The following ST6GALNAC3 variants were observed in gnomAD, a reference collection of about 807,000 sequenced individuals.
ST6GALNAC3 encodes the protein alpha-N-acetylgalactosaminide alpha-2,6-sialyltransferase 3.
A neutral mutation model predicts 32.7 loss-of-function variants in ST6GALNAC3; 25 were observed. The ratio of observed to expected loss-of-function variants is 0.76; its 90% CI spans 0.56 to 1.07. ST6GALNAC3 has a LOEUF of 1.07. Ranked by LOEUF, ST6GALNAC3 falls within the 50% of genes least tolerant of loss-of-function variation. The pLI, the probability that ST6GALNAC3 is intolerant of heterozygous loss-of-function variation, is 0.00. For missense variants in ST6GALNAC3, 355 were observed against 382.4 expected (o/e 0.93, Z 0.60); for synonymous variants, 129 against 133.1 (o/e 0.97, Z 0.21).
At chr1:76,571,246 G>T (rs991809271) in intron 3 of ST6GALNAC3, among the ~76,000 whole-genome samples, 1 of 151,906 alleles carries the variant, frequency 6.6e-6, no homozygotes, top group Non-Finnish European at 1.5e-5. Flanking sequence ...CCCTTCTTCT[G>T]GTATGGCTTC....
chr1:76,592,026 T>G (rs1476324104), intron 3 of ST6GALNAC3, among the ~76,000 whole-genome samples: 1 of 152,152 alleles, frequency 6.6e-6, no homozygotes, highest in Non-Finnish European at 1.5e-5. Context: ...TAAAGAGAGA[T>G]AAAATTGTGA....
intron 2 of ST6GALNAC3, among the ~76,000 whole-genome samples, chr1:76,346,209 A>G (rs1648498366): frequency 6.6e-6 from 1 of 152,166 alleles, no homozygotes. Context: ...TACGCCTCGA[A>G]GGTGGATACT....
intron 3 of ST6GALNAC3, among the ~76,000 whole-genome samples, chr1:76,448,294 G>T (rs982052445): frequency 6.6e-6 from 1 of 152,150 alleles, no homozygotes; most frequent in Non-Finnish European, 1.5e-5. Flanking sequence ...TTTACCCATT[G>T]CCTGTACCCC....
At chr1:76,455,419 T>C (rs551505494) in intron 3 of ST6GALNAC3, among the ~76,000 whole-genome samples, 1 of 152,214 alleles carries the variant, frequency 6.6e-6, no homozygotes, top group Admixed American at 6.5e-5. Flanking sequence ...TAGCTTGGTC[T>C]TGCTGAGCCA....
At chr1:76,538,824 C>G (rs1330576358) in intron 3 of ST6GALNAC3, among the ~76,000 whole-genome samples, 1 of 152,004 alleles carries the variant, frequency 6.6e-6, no homozygotes, top group Non-Finnish European at 1.5e-5. Flanking sequence ...TGTGAAGGAC[C>G]TCATCAAGGA....
chr1:76,087,575 G>A, intron 1 of ST6GALNAC3, among the ~76,000 whole-genome samples: 1 of 152,144 alleles, frequency 6.6e-6, no homozygotes, highest in East Asian at 1.9e-4. Flanking sequence ...GTGCTTACCT[G>A]TACTGTGTTG....
intron 2 of ST6GALNAC3, among the ~76,000 whole-genome samples, chr1:76,361,398 G>A (rs1183207030): frequency 6.6e-6 from 1 of 152,104 alleles, no homozygotes; most frequent in Non-Finnish European, 1.5e-5. Context: ...GTTGTAGCAT[G>A]TGACTTGATT....
chr1:76,230,993 C>T (rs961351776), intron 1 of ST6GALNAC3, among the ~76,000 whole-genome samples: 7 of 152,194 alleles, frequency 4.6e-5, no homozygotes, highest in Non-Finnish European at 8.8e-5. Flanking sequence ...TGAGGGAAGT[C>T]TATTTTCCCC....
At chr1:76,294,973 G>A (rs978814836) in intron 1 of ST6GALNAC3, among the ~76,000 whole-genome samples, 3 of 152,070 alleles carry the variant, frequency 2.0e-5, no homozygotes, top group Non-Finnish European at 2.9e-5. Context: ...GCAGGGTAGA[G>A]CACTGTAATA....
intron 2 of ST6GALNAC3, among the ~76,000 whole-genome samples, chr1:76,404,548 A>G (rs938060870): frequency 3.9e-5 from 6 of 152,208 alleles, no homozygotes; most frequent in African/African-American, 1.4e-4. Flanking sequence ...CAAAAAGAAC[A>G]TCAAGGAGAA....
chr1:76,305,980 C>G, intron 1 of ST6GALNAC3: 1 of 503,176 alleles, frequency 2.0e-6, no homozygotes, highest in African/African-American at 1.9e-5. Context: ...TGGGAACATT[C>G]TCATATAACT....
intron 2 of ST6GALNAC3, among the ~76,000 whole-genome samples, chr1:76,319,743 G>T (rs1043783268): frequency 1.4e-4 from 21 of 152,136 alleles, no homozygotes; most frequent in Non-Finnish European, 1.3e-4. Context: ...TGAAATTTGA[G>T]TATTAAATGT....
chr1:76,152,613 C>T (rs191728056), intron 1 of ST6GALNAC3, among the ~76,000 whole-genome samples: 67 of 152,342 alleles, frequency 4.4e-4, no homozygotes, highest in Middle Eastern at 3.4e-3. Context: ...GGACAAAACA[C>T]ACTGAGGATG....
intron 3 of ST6GALNAC3, among the ~76,000 whole-genome samples, chr1:76,586,716 A>G (rs374789545): frequency 5.9e-5 from 9 of 152,334 alleles, no homozygotes; most frequent in East Asian, 1.9e-4. Flanking sequence ...TGTGACATTA[A>G]TCAGTGTTTT....
intron 3 of ST6GALNAC3, among the ~76,000 whole-genome samples, chr1:76,572,570 T>A (rs1646720236): frequency 6.6e-6 from 1 of 152,124 alleles, no homozygotes; most frequent in South Asian, 2.1e-4. Flanking sequence ...TTTTGCCAGA[T>A]CACCAGATGC....
intron 1 of ST6GALNAC3, among the ~76,000 whole-genome samples, chr1:76,212,564 G>T (rs578247894): frequency 6.6e-6 from 1 of 152,108 alleles, no homozygotes; most frequent in Non-Finnish European, 1.5e-5. Flanking sequence ...TCAGGAAAAA[G>T]CACCTGACCT....
At chr1:76,455,676 G>T (rs1173243844) in intron 3 of ST6GALNAC3, among the ~76,000 whole-genome samples, 1 of 152,074 alleles carries the variant, frequency 6.6e-6, no homozygotes, top group Non-Finnish European at 1.5e-5. Context: ...TTCTCTCTGG[G>T]AGAGGACTAC....
intron 2 of ST6GALNAC3, among the ~76,000 whole-genome samples, chr1:76,372,325 A>G (rs985850680): frequency 1.3e-5 from 2 of 152,004 alleles, no homozygotes; most frequent in Non-Finnish European, 2.9e-5. Context: ...GTATGTATTT[A>G]TGGGGTACAA....
At chr1:76,537,861 T>C (rs1663719121) in intron 3 of ST6GALNAC3, among the ~76,000 whole-genome samples, 1 of 151,040 alleles carries the variant, frequency 6.6e-6, no homozygotes, top group South Asian at 2.1e-4. Flanking sequence ...AGTTCTGAAA[T>C]TGGGGCAGTA....
Sources: allele counts gnomAD v4.1 joint callset (sites outside exome capture counted in the v4.1 genomes callset), GRCh38; gene constraint gnomAD v4.1.1; transcripts MANE v1.5; gene names NCBI Gene and HGNC (gene_info 2026-07-23, HGNC 2026-07-21).